ATXN1: variants seen among roughly 807,000 people sequenced by gnomAD.
ATXN1 encodes the protein ataxin-1.
In ATXN1, 8 loss-of-function variants were observed where a neutral mutation model predicts 56.4. That is an observed-to-expected ratio of 0.14 (90% CI 0.08 to 0.26). The LOEUF (loss-of-function observed/expected upper bound fraction) is 0.26, where lower values mean the gene tolerates loss of function less well. Among genes scored for constraint, ATXN1 ranks in the 10% least tolerant of loss-of-function variants. The probability of loss-of-function intolerance (pLI) is 1.00; values close to 1 mark genes in which losing one functional copy is unlikely to be tolerated. For missense variants in ATXN1, 987 were observed against 1,106.5 expected, an observed-to-expected ratio of 0.89 and a Z score of 1.53; for synonymous variants, 514 against 494.6, an observed-to-expected ratio of 1.04 and a Z score of -0.52.
chr6:16,485,024 CATAT>C (rs1760516800), intron 6 of ATXN1: 1 of 138,052 alleles, frequency 7.2e-6, no homozygotes, highest in Non-Finnish European at 1.6e-5. Context: ...CAAGAGTATA[CATAT>C]ATATTACAGA....
intron 2 of ATXN1, among the ~76,000 whole-genome samples, chr6:16,713,510 T>C (rs912690096): frequency 1.1e-4 from 17 of 152,186 alleles, no homozygotes; most frequent in African/African-American, 4.1e-4. Flanking sequence ...TTCTACTGAC[T>C]GAACATGAAG....
chr6:16,486,441 G>A (rs1232156163), intron 5 of ATXN1, among the ~76,000 whole-genome samples: 1 of 152,222 alleles, frequency 6.6e-6, no homozygotes, highest in Non-Finnish European at 1.5e-5. Flanking sequence ...TTCTGCCACT[G>A]TCATATCTTA....
intron 6 of ATXN1, among the ~76,000 whole-genome samples, chr6:16,349,851 T>C (rs148754460): frequency 2.0e-5 from 3 of 152,374 alleles, no homozygotes; most frequent in East Asian, 3.8e-4. Flanking sequence ...AATTTAAGTA[T>C]GTCTGTTGTT....
At chr6:16,431,224 G>T (rs1405137597) in intron 6 of ATXN1, among the ~76,000 whole-genome samples, 1 of 152,156 alleles carries the variant, frequency 6.6e-6, no homozygotes, top group Admixed American at 6.5e-5. Flanking sequence ...AATACAACTG[G>T]CTGAAATTAT....
At chr6:16,398,944 G>A (rs1758509812) in intron 6 of ATXN1, among the ~76,000 whole-genome samples, 2 of 152,168 alleles carry the variant, frequency 1.3e-5, no homozygotes. Context: ...TACAACATGG[G>A]TCTTTGGGCC....
intron 6 of ATXN1, among the ~76,000 whole-genome samples, chr6:16,402,764 C>T (rs572958812): frequency 6.6e-6 from 1 of 152,266 alleles, no homozygotes; most frequent in Admixed American, 6.5e-5. Flanking sequence ...CCCGCTGTGC[C>T]CAGGGCTGTT....
At chr6:16,584,961 G>T (rs892372397) in intron 4 of ATXN1, among the ~76,000 whole-genome samples, 1 of 152,086 alleles carries the variant, frequency 6.6e-6, no homozygotes, top group African/African-American at 2.4e-5. Flanking sequence ...GTCTGGGTGT[G>T]GTGGATCACG....
chr6:16,488,773 T>C (rs955566623), intron 5 of ATXN1, among the ~76,000 whole-genome samples: 4 of 152,188 alleles, frequency 2.6e-5, no homozygotes, highest in Non-Finnish European at 5.9e-5. Context: ...CAAGATAAAA[T>C]GTAATTTATC....
chr6:16,529,208 GT>G (rs57446118), intron 4 of ATXN1, among the ~76,000 whole-genome samples: 9,554 of 123,236 alleles, frequency 0.078, 481 homozygotes, highest in African/African-American at 0.22. Context: ...AGGGTTTTTT[GT>G]TTTTTTTTTT....
At chr6:16,333,634 C>T (rs1392500128) in intron 6 of ATXN1, among the ~76,000 whole-genome samples, 2 of 152,316 alleles carry the variant, frequency 1.3e-5, no homozygotes, top group African/African-American at 4.8e-5. Flanking sequence ...TATGGACAAA[C>T]AGGGCACGGT....
In ATXN1 at chr6:16,700,941, T is replaced by A. The variant is rs185314235; in HGVS notation, c.-614-43040A>T. Among the ~76,000 whole-genome samples the A allele has an allele frequency of 2.2e-3, 333 of 152,008 alleles. 4 individuals carry two copies. The highest frequency in any genetic ancestry group is 7.5e-3 in the African/African-American group (309 of 41,458). ...ACCTTTAAACTTTGGTTTTAGCACC[T>A]TTAAACTCTGGAATGAACCGTGAAC... On this transcript the variant is annotated intron_variant, in intron 2 of 7. Transcript: ENST00000436367.
In ATXN1 at chr6:16,522,660, G is replaced by A. The variant is rs896857271; in HGVS notation, c.-332C>T. Reference sequence around the variant, plus strand: ...AACAGCACGTCGATTTCTTTCTCACGAAGAAAATGGTCTAATTTCTTTGGA... The same window carrying A: ...AACAGCACGTCGATTTCTTTCTCACAAAGAAAATGGTCTAATTTCTTTGGA... On this transcript the variant is annotated 5_prime_UTR_variant, in exon 5 of 8. Coordinates refer to ENST00000436367, the MANE Select transcript of ATXN1 (RefSeq NM_001128164.2). The A allele has an allele frequency of 9.2e-5, 14 of 151,988 alleles. 1 individual carries two copies. Among genetic ancestry groups the A allele is most frequent in the Admixed American group, 7.9e-4 (12 of 15,258 alleles). 9.4% of individuals were successfully genotyped at this position (151,988 alleles called of 1,614,324 possible).
intron 6 of ATXN1, among the ~76,000 whole-genome samples, chr6:16,456,574 T>C (rs1224806000): frequency 1.3e-5 from 2 of 152,188 alleles, no homozygotes; most frequent in Non-Finnish European, 2.9e-5. Context: ...AAAAAGTTGG[T>C]TGGCCCTGCA....
chr6:16,676,862 CA>C (rs1319986397), intron 2 of ATXN1, among the ~76,000 whole-genome samples: 1 of 151,856 alleles, frequency 6.6e-6, no homozygotes, highest in East Asian at 1.9e-4. Flanking sequence ...ACATCAACAC[CA>C]ATCACTTTTT....
At chr6:16,492,991 C>T (rs895302021) in intron 5 of ATXN1, among the ~76,000 whole-genome samples, 13 of 152,276 alleles carry the variant, frequency 8.5e-5, no homozygotes, top group Admixed American at 7.2e-4. Context: ...CCAAGTCCTA[C>T]CAATTCTGCA....
chr6:16,428,616 G>T (rs1407152466), intron 6 of ATXN1, among the ~76,000 whole-genome samples: 1 of 152,088 alleles, frequency 6.6e-6, no homozygotes, highest in Non-Finnish European at 1.5e-5. Context: ...AGCCAAGTTT[G>T]CAAATGAGGA....
At chr6:16,411,727 GCT>G (rs1306600781) in intron 6 of ATXN1, among the ~76,000 whole-genome samples, 2 of 152,178 alleles carry the variant, frequency 1.3e-5, no homozygotes, top group African/African-American at 4.8e-5. Flanking sequence ...TATGGATGTG[GCT>G]GGCTCACAGT....
intron 2 of ATXN1, among the ~76,000 whole-genome samples, chr6:16,731,705 T>C (rs893094888): frequency 2.2e-4 from 33 of 152,118 alleles, no homozygotes; most frequent in African/African-American, 7.0e-4. Flanking sequence ...CATGAAAAAG[T>C]ACATTTGTCA....
rs1366956675 is a variant in ATXN1, at chr6:16,681,517, A to G, written c.-614-23616T>C. On this transcript the variant is annotated intron_variant, in intron 2 of 7. Transcript: ENST00000436367. ...AATTTGGCACTCCTGCCTCATGCAT[A>G]TGAAAAAGGATCCGCCATCAATGAG... Among the ~76,000 whole-genome samples, 3 of 152,240 alleles carry G rather than the reference A, an allele frequency of 2.0e-5. No individual in the cohort carries two copies. The East Asian group carries it at 5.8e-4, about 29-fold the overall frequency.
Sources: allele counts gnomAD v4.1 joint callset (sites outside exome capture counted in the v4.1 genomes callset), GRCh38; gene constraint gnomAD v4.1.1; transcripts MANE v1.5; gene names NCBI Gene and HGNC (gene_info 2026-07-23, HGNC 2026-07-21).